PDHX: variants seen among roughly 807,000 people sequenced by gnomAD.
PDHX encodes the protein pyruvate dehydrogenase complex component X.
PDHX carries 33 observed loss-of-function variants against 55.3 expected under a neutral mutation model. That is an observed-to-expected ratio of 0.60 (90% CI 0.45 to 0.80). The LOEUF is 0.80. Ranked by LOEUF, PDHX falls within the 30% of genes least tolerant of loss-of-function variation. PDHX has a pLI of 0.00. For synonymous variants in PDHX, 226 were observed against 219.4 expected, an observed-to-expected ratio of 1.03 and a Z score of -0.27; for missense variants, 622 against 619.9, an observed-to-expected ratio of 1.00 and a Z score of -0.04.
At chr11:34,983,595 T>C (rs1167970375) in intron 8 of PDHX, among the ~76,000 whole-genome samples, 1 of 150,842 alleles carries the variant, frequency 6.6e-6, no homozygotes, top group East Asian at 1.9e-4. Flanking sequence ...ACACAATCAA[T>C]GTGCAAAAAT....
chr11:34,927,631 T>C (rs1404265174), intron 1 of PDHX, among the ~76,000 whole-genome samples: 1 of 152,086 alleles, frequency 6.6e-6, no homozygotes, highest in Non-Finnish European at 1.5e-5. Flanking sequence ...AGATACCATA[T>C]AGTGTTCTAA....
intron 9 of PDHX, among the ~76,000 whole-genome samples, chr11:34,990,125 A>G (rs1464852788): frequency 1.3e-5 from 2 of 152,218 alleles, no homozygotes; most frequent in Admixed American, 1.3e-4. Context: ...AAAGTAATGT[A>G]GTGACACACC....
Position 34,978,189 on chromosome 11 carries a change from A to T in PDHX, c.1023+7A>T. The T allele has an allele frequency of 6.6e-7, 1 of 1,506,518 alleles. No individual in the cohort carries two copies. The highest frequency in any genetic ancestry group is 9.2e-7 in the Non-Finnish European group (1 of 1,081,342). The allele number at this position is 1,506,518 out of a possible 1,614,324, so 93.3% of individuals were successfully genotyped here. On this transcript the variant is annotated splice_region_variant and intron_variant, in intron 8 of 10. Coordinates refer to ENST00000227868, the MANE Select transcript of PDHX (RefSeq NM_003477.3). Reference sequence around the variant, plus strand: ...AGCAGCTGTTACCCTTAAAGTAAGTAGCAGACTTCAAATGATTTTGTCTTC... The same window carrying T: ...AGCAGCTGTTACCCTTAAAGTAAGTTGCAGACTTCAAATGATTTTGTCTTC...
Position 34,978,172 on chromosome 11 carries a change from T to A in PDHX, c.1013T>A (p.Val338Asp), listed in dbSNP as rs372862365. The change falls in exon 8 of 11, where the codon GTT becomes GAT. Residue 338 changes from valine to aspartate, a missense_variant. Coordinates refer to ENST00000227868, the MANE Select transcript of PDHX (RefSeq NM_003477.3). The part of the protein sequence containing the change: ...VNDFIIKAAA[V>D]TLKQMPDVNV... ...GATTTTATCATCAAGGCAGCAGCTG[T>A]TACCCTTAAAGTAAGTAGCAGACTT... 4.5e-6 allele frequency: 7 copies of A among 1,568,060 alleles called. No individual in the cohort carries two copies. Among genetic ancestry groups the A allele is most frequent in the Admixed American group, 1.7e-5 (1 of 59,874 alleles).
chr11:34,916,425 G>T (rs1259501612), upstream of PDHX: 1 of 1,493,284 alleles, frequency 6.7e-7, no homozygotes, highest in Non-Finnish European at 8.9e-7. Flanking sequence ...CGGGGCGGGG[G>T]CCGGGGTCTG....
At chr11:34,930,548 AT>A (rs1254240204) in intron 1 of PDHX, among the ~76,000 whole-genome samples, 3 of 152,212 alleles carry the variant, frequency 2.0e-5, no homozygotes, top group African/African-American at 7.2e-5. Context: ...TGAAGAGAGA[AT>A]AGGGTCTATG....
intron 9 of PDHX, 44 bp downstream of exon 9, chr11:34,984,772 CT>C (rs35090822): frequency 6.4e-7 from 1 of 1,573,444 alleles, no homozygotes; most frequent in Non-Finnish European, 8.7e-7. Flanking sequence ...TTAGCATATA[CT>C]TTTGGATAAT....
At chr11:34,920,744 A>G (rs1565146242) in intron 1 of PDHX, among the ~76,000 whole-genome samples, 1 of 151,350 alleles carries the variant, frequency 6.6e-6, no homozygotes. Context: ...TCTAGTTGTC[A>G]TTTTTTTTTC....
At chr11:34,924,151 C>A (rs1266817851) in intron 1 of PDHX, among the ~76,000 whole-genome samples, 1 of 152,136 alleles carries the variant, frequency 6.6e-6, no homozygotes, top group Non-Finnish European at 1.5e-5. Flanking sequence ...CCAGAATATA[C>A]CCTCTTAATT....
At chr11:34,931,091 A>G (rs1381487929) in intron 1 of PDHX, among the ~76,000 whole-genome samples, 1 of 152,100 alleles carries the variant, frequency 6.6e-6, no homozygotes, top group Non-Finnish European at 1.5e-5. Flanking sequence ...TGAAACCTAA[A>G]TCAATCCTAA....
chr11:34,950,421 A>G (rs3118073), intron 3 of PDHX, among the ~76,000 whole-genome samples: 91,488 of 149,470 alleles, frequency 0.61, 29,056 homozygotes, highest in East Asian at 0.75. Context: ...CATGTGCACA[A>G]TGTGCAGGTT....
chr11:34,975,540 G>A (rs753064348), intron 7 of PDHX, among the ~76,000 whole-genome samples: 7 of 151,908 alleles, frequency 4.6e-5, no homozygotes, highest in African/African-American at 9.7e-5. Context: ...TTTTATCTTG[G>A]TTAGCATGGA....
chr11:34,947,845 A>T (rs1021728056), intron 3 of PDHX, among the ~76,000 whole-genome samples: 6 of 152,208 alleles, frequency 3.9e-5, no homozygotes, highest in African/African-American at 1.4e-4. Context: ...ATTAGAGCTT[A>T]TGTGAAAAGT....
At chr11:34,974,472 G>A (rs1005685122) in intron 7 of PDHX, among the ~76,000 whole-genome samples, 10 of 152,144 alleles carry the variant, frequency 6.6e-5, no homozygotes, top group African/African-American at 1.9e-4. Context: ...TGCTGTGAAC[G>A]TGGCTGTACA....
intron 3 of PDHX, among the ~76,000 whole-genome samples, chr11:34,951,647 G>T (rs1473960546): frequency 1.3e-5 from 2 of 152,050 alleles, no homozygotes; most frequent in Non-Finnish European, 2.9e-5. Context: ...TTTATAGGTT[G>T]CCTGTTCACT....
intron 7 of PDHX, among the ~76,000 whole-genome samples, chr11:34,977,147 T>C (rs1855396634): frequency 6.6e-6 from 1 of 152,144 alleles, no homozygotes; most frequent in Non-Finnish European, 1.5e-5. Context: ...CTAATCCCTT[T>C]CTGTAGTCTC....
At chr11:34,930,215 G>A (rs985627387) in intron 1 of PDHX, among the ~76,000 whole-genome samples, 1 of 152,178 alleles carries the variant, frequency 6.6e-6, no homozygotes, top group Non-Finnish European at 1.5e-5. Context: ...AGAGAGTGAG[G>A]CAGGTATGCA....
At chr11:34,926,315 G>C (rs571540042) in intron 1 of PDHX, among the ~76,000 whole-genome samples, 1 of 152,112 alleles carries the variant, frequency 6.6e-6, no homozygotes, top group African/African-American at 2.4e-5. Context: ...AATTTTGAAG[G>C]CTCCGTTTTA....
chr11:34,969,762 C>T (rs1590759121), intron 6 of PDHX, among the ~76,000 whole-genome samples: 1 of 152,200 alleles, frequency 6.6e-6, no homozygotes, highest in South Asian at 2.1e-4. Flanking sequence ...ACATATATTG[C>T]TCCTTGTGTG....
Sources: gnomAD v4.1 joint callset for allele counts (sites outside exome capture counted in the v4.1 genomes callset) on GRCh38, gnomAD v4.1.1 for gene constraint, MANE v1.5 for transcripts, NCBI Gene and HGNC (gene_info 2026-07-23, HGNC 2026-07-21) for gene names.